GPATCH2: variants seen among roughly 807,000 people sequenced by gnomAD.
GPATCH2 encodes the protein G patch domain-containing protein 2.
In GPATCH2, 51 loss-of-function variants were observed where a neutral mutation model predicts 58.0. The ratio of observed to expected loss-of-function variants is 0.88; its 90% CI spans 0.70 to 1.11. The LOEUF is 1.11. Among genes scored for constraint, GPATCH2 ranks in the 50% most tolerant of loss-of-function variants. The pLI is 0.00. For missense variants in GPATCH2, 625 were observed against 652.2 expected (o/e 0.96, Z 0.45); for synonymous variants, 222 against 218.5 (o/e 1.02, Z -0.14).
intron 5 of GPATCH2, among the ~76,000 whole-genome samples, chr1:217,606,391 G>C (rs1668361753): frequency 6.6e-6 from 1 of 151,912 alleles, no homozygotes; most frequent in South Asian, 2.1e-4. Context: ...AAATATAAAA[G>C]AGGTATAAAA....
intron 5 of GPATCH2, among the ~76,000 whole-genome samples, chr1:217,551,873 A>G (rs1384789493): frequency 3.9e-5 from 6 of 152,200 alleles, no homozygotes; most frequent in African/African-American, 1.4e-4. Flanking sequence ...AAATAACTAC[A>G]TATCATGTAA....
At chr1:217,552,643 T>C (rs1665421377) in intron 5 of GPATCH2, among the ~76,000 whole-genome samples, 1 of 152,186 alleles carries the variant, frequency 6.6e-6, no homozygotes, top group South Asian at 2.1e-4. Context: ...GAAAACAAAT[T>C]GCCTAAATTC....
intron 8 of GPATCH2, among the ~76,000 whole-genome samples, chr1:217,457,966 G>A (rs2102483019): frequency 6.6e-6 from 1 of 152,158 alleles, no homozygotes; most frequent in East Asian, 1.9e-4. Flanking sequence ...GGTGGCTCAC[G>A]CCTGTAATCC....
At chr1:217,520,172 T>C (rs1663381526) in intron 5 of GPATCH2, among the ~76,000 whole-genome samples, 1 of 152,110 alleles carries the variant, frequency 6.6e-6, no homozygotes, top group Non-Finnish European at 1.5e-5. Flanking sequence ...CTAGAACATC[T>C]AATGTATTCC....
At chr1:217,519,972 T>C (rs1663368055) in intron 5 of GPATCH2, among the ~76,000 whole-genome samples, 1 of 152,226 alleles carries the variant, frequency 6.6e-6, no homozygotes, top group African/African-American at 2.4e-5. Flanking sequence ...CCAAGGGTTT[T>C]TTTGATTGTT....
rs1394878356 is a variant in GPATCH2, at chr1:217,523,976, G to A, written c.1099-9087C>T. On this transcript the variant is annotated intron_variant, in intron 5 of 9. Transcript: ENST00000366935. Reference sequence around the variant, plus strand: ...TGACCCCCACACCTCCCTCCCGGACGGGGCGGCTGGCCGGGCAGAGGGGCT... The same window carrying A: ...TGACCCCCACACCTCCCTCCCGGACAGGGCGGCTGGCCGGGCAGAGGGGCT... Among the ~76,000 whole-genome samples the A allele has an allele frequency of 5.9e-4, 82 of 139,822 alleles. 1 individual carries two copies. Among genetic ancestry groups the A allele is most frequent in the African/African-American group, 2.1e-3 (80 of 37,914 alleles). 91.7% of individuals were successfully genotyped at this position (139,822 alleles called of 152,430 possible).
At chr1:217,486,767 C>T (rs1331577784) in intron 8 of GPATCH2, among the ~76,000 whole-genome samples, 1 of 152,002 alleles carries the variant, frequency 6.6e-6, no homozygotes, top group Non-Finnish European at 1.5e-5. Context: ...CGGAAAACCA[C>T]AGTCATCACA....
chr1:217,597,377 T>A (rs1571625832), intron 5 of GPATCH2, among the ~76,000 whole-genome samples: 1 of 147,180 alleles, frequency 6.8e-6, no homozygotes. Context: ...TCACAGAAGA[T>A]GAAAATCAAA....
chr1:217,579,065 T>C (rs965076412), intron 5 of GPATCH2, among the ~76,000 whole-genome samples: 2 of 152,192 alleles, frequency 1.3e-5, no homozygotes, highest in Admixed American at 1.3e-4. Flanking sequence ...TCAACCCTTG[T>C]TAAATATTTC....
intron 8 of GPATCH2, among the ~76,000 whole-genome samples, chr1:217,480,896 C>T (rs1368129572): frequency 1.3e-5 from 2 of 152,106 alleles, no homozygotes; most frequent in Admixed American, 6.5e-5. Context: ...GAAAGACAAA[C>T]ATCAAAACCA....
intron 9 of GPATCH2, among the ~76,000 whole-genome samples, chr1:217,441,456 T>G (rs1571705019): frequency 1.3e-5 from 2 of 152,182 alleles, no homozygotes; most frequent in African/African-American, 4.8e-5. Context: ...ACTTCATGAC[T>G]AAAACACCAA....
chr1:217,433,209 T>C (rs1198429279), intron 9 of GPATCH2, among the ~76,000 whole-genome samples: 2 of 151,908 alleles, frequency 1.3e-5, no homozygotes, highest in East Asian at 3.9e-4. Flanking sequence ...TTCAGAATGG[T>C]GGTACCAGCA....
intron 8 of GPATCH2, among the ~76,000 whole-genome samples, chr1:217,450,548 A>G (rs1283630230): frequency 6.6e-6 from 1 of 152,176 alleles, no homozygotes; most frequent in African/African-American, 2.4e-5. Context: ...AGTCAAAAAA[A>G]TACACCACAA....
At chr1:217,594,039 C>T (rs751730206) in intron 5 of GPATCH2, among the ~76,000 whole-genome samples, 4 of 152,068 alleles carry the variant, frequency 2.6e-5, no homozygotes, top group African/African-American at 9.6e-5. Context: ...AAACAAGATA[C>T]TGTTACAAGT....
intron 8 of GPATCH2, among the ~76,000 whole-genome samples, chr1:217,457,256 C>G (rs1181623173): frequency 2.0e-5 from 3 of 152,160 alleles, no homozygotes; most frequent in Non-Finnish European, 2.9e-5. Flanking sequence ...AACACCATGT[C>G]TGCTTTCTCA....
At chr1:217,533,321 A>G (rs1664296280) in intron 5 of GPATCH2, among the ~76,000 whole-genome samples, 1 of 152,200 alleles carries the variant, frequency 6.6e-6, no homozygotes, top group South Asian at 2.1e-4. Flanking sequence ...AGTGTATGAG[A>G]TATTAAAACT....
intron 8 of GPATCH2, among the ~76,000 whole-genome samples, chr1:217,484,564 A>ATG (rs1378543633): frequency 6.8e-6 from 1 of 146,588 alleles, no homozygotes; most frequent in East Asian, 2.0e-4. Flanking sequence ...ATTTATATAT[A>ATG]TATATATATA....
chr1:217,539,428 A>T (rs1234946415), intron 5 of GPATCH2, among the ~76,000 whole-genome samples: 1 of 152,226 alleles, frequency 6.6e-6, no homozygotes, highest in Non-Finnish European at 1.5e-5. Context: ...CAATGTCCAC[A>T]TTGTTCCCCT....
chr1:217,587,055 C>G (rs1253888295), intron 5 of GPATCH2, among the ~76,000 whole-genome samples: 1 of 152,060 alleles, frequency 6.6e-6, no homozygotes, highest in Non-Finnish European at 1.5e-5. Context: ...GTGTATGGTG[C>G]AGGGGGGAAG....
Sources: allele counts gnomAD v4.1 joint callset (sites outside exome capture counted in the v4.1 genomes callset), GRCh38; gene constraint gnomAD v4.1.1; transcripts MANE v1.5; gene names NCBI Gene and HGNC (gene_info 2026-07-23, HGNC 2026-07-21).